Variants in FOXJ3 observed in about 807,000 individuals in gnomAD.
The protein encoded by FOXJ3 is forkhead box protein J3.
In FOXJ3, 22 loss-of-function variants were observed where a neutral mutation model predicts 76.1. That is an observed-to-expected ratio of 0.29 (90% CI 0.21 to 0.41). FOXJ3 has a LOEUF of 0.41. Ranked by LOEUF, FOXJ3 falls within the 10% of genes least tolerant of loss-of-function variation. FOXJ3 has a pLI of 1.00. For missense variants in FOXJ3, 613 were observed against 762.1 expected (o/e 0.80, Z 2.30); for synonymous variants, 269 against 261.2 (o/e 1.03, Z -0.29).
chr1:42,292,731 T>C (rs981314198), intron 2 of FOXJ3, among the ~76,000 whole-genome samples: 32 of 152,178 alleles, frequency 2.1e-4, no homozygotes, highest in African/African-American at 7.0e-4. Flanking sequence ...GGTGATGATT[T>C]ATGTGTGTAT....
chr1:42,301,496 C>T (rs1373222116), intron 2 of FOXJ3, among the ~76,000 whole-genome samples: 1 of 152,194 alleles, frequency 6.6e-6, no homozygotes, highest in Non-Finnish European at 1.5e-5. Context: ...AGGTACCACA[C>T]CGGACTTCGT....
intron 5 of FOXJ3, among the ~76,000 whole-genome samples, chr1:42,206,666 T>C (rs1183537625): frequency 6.6e-6 from 1 of 152,236 alleles, no homozygotes; most frequent in Non-Finnish European, 1.5e-5. Context: ...ATTTAATACA[T>C]TCATATAATC....
chr1:42,326,737 G>A (rs535203813), intron 1 of FOXJ3, among the ~76,000 whole-genome samples: 32 of 152,070 alleles, frequency 2.1e-4, no homozygotes, highest in Non-Finnish European at 4.1e-4. Flanking sequence ...GGGAGAAACC[G>A]CTCCCATTGG....
chr1:42,301,342 C>T (rs1221397596), intron 2 of FOXJ3, among the ~76,000 whole-genome samples: 1 of 151,988 alleles, frequency 6.6e-6, no homozygotes, highest in East Asian at 1.9e-4. Flanking sequence ...ATTACAGTCA[C>T]ACGCCACAAT....
chr1:42,199,949 G>C (rs1481014113), intron 6 of FOXJ3, among the ~76,000 whole-genome samples: 3 of 130,794 alleles, frequency 2.3e-5, no homozygotes, highest in Non-Finnish European at 4.6e-5. Context: ...CCTATTTGCA[G>C]TGAGCCAAGA....
intron 2 of FOXJ3, among the ~76,000 whole-genome samples, chr1:42,289,227 A>T (rs903553551): frequency 1.3e-5 from 2 of 151,582 alleles, no homozygotes; most frequent in Non-Finnish European, 2.9e-5. Flanking sequence ...CTTAATATAT[A>T]TAATTATGTA....
At chr1:42,318,490 C>T (rs1023428787) in intron 1 of FOXJ3, among the ~76,000 whole-genome samples, 1 of 152,104 alleles carries the variant, frequency 6.6e-6, no homozygotes, top group African/African-American at 2.4e-5. Context: ...TACAGGCATG[C>T]ACCACCATGT....
At chr1:42,324,442 CTG>C (rs1220672456) in intron 1 of FOXJ3, among the ~76,000 whole-genome samples, 1 of 147,836 alleles carries the variant, frequency 6.8e-6, no homozygotes, top group Non-Finnish European at 1.5e-5. Context: ...ACAAAACTAT[CTG>C]TAGTAATATT....
At chr1:42,262,236 A>G (rs1651099482) in intron 4 of FOXJ3, among the ~76,000 whole-genome samples, 1 of 152,188 alleles carries the variant, frequency 6.6e-6, no homozygotes, top group African/African-American at 2.4e-5. Flanking sequence ...TTCTTCCTTA[A>G]GTACTTTTCC....
intron 1 of FOXJ3, among the ~76,000 whole-genome samples, chr1:42,330,634 T>C (rs1433198035): frequency 6.6e-6 from 1 of 151,936 alleles, no homozygotes. Context: ...AGACCCTGTC[T>C]CAAAAACAAA....
chr1:42,262,666 T>C (rs141413748), intron 4 of FOXJ3, among the ~76,000 whole-genome samples: 2,135 of 152,230 alleles, frequency 0.014, 47 homozygotes, highest in African/African-American at 0.05. Flanking sequence ...TTGGCCAAGA[T>C]GGTGAAACCC....
intron 1 of FOXJ3, among the ~76,000 whole-genome samples, chr1:42,322,053 T>C (rs1570253480): frequency 6.6e-6 from 1 of 151,810 alleles, no homozygotes; most frequent in South Asian, 2.1e-4. Context: ...ATGGCTGAAT[T>C]GTCATAAAAG....
At chr1:42,238,873 T>C (rs541493995) in intron 4 of FOXJ3, among the ~76,000 whole-genome samples, 1 of 152,260 alleles carries the variant, frequency 6.6e-6, no homozygotes, top group East Asian at 1.9e-4. Context: ...TTACATTAAC[T>C]CTATAAATCT....
intron 2 of FOXJ3, among the ~76,000 whole-genome samples, chr1:42,302,022 T>C (rs776080978): frequency 2.0e-5 from 3 of 152,210 alleles, no homozygotes; most frequent in Non-Finnish European, 4.4e-5. Flanking sequence ...TAGGGTCTTT[T>C]GGCTTTAGTT....
chr1:42,273,472 G>A (rs970776772), intron 3 of FOXJ3, among the ~76,000 whole-genome samples: 8 of 151,884 alleles, frequency 5.3e-5, no homozygotes, highest in Middle Eastern at 3.2e-3. Flanking sequence ...TCAGGAGTTC[G>A]GAACCAGCCT....
chr1:42,308,722 AAT>A (rs1394955781), intron 2 of FOXJ3, among the ~76,000 whole-genome samples: 1 of 152,196 alleles, frequency 6.6e-6, no homozygotes, highest in African/African-American at 2.4e-5. Context: ...CTGATTCTAG[AAT>A]ATTGTGCAGA....
chr1:42,280,322 G>C (rs76224178), intron 2 of FOXJ3: 1 of 981,528 alleles, frequency 1.0e-6, no homozygotes, highest in African/African-American at 1.8e-5. Flanking sequence ...TTGATTTTCA[G>C]GTATGTTGAT....
In FOXJ3 at chr1:42,191,534, G is replaced by C. The variant is rs780674514; in HGVS notation, c.1120C>G (p.Gln374Glu). 6.2e-7 allele frequency: 1 copy of C among 1,614,024 alleles called. No individual in the cohort carries two copies. Reference sequence around the variant, plus strand: ...TGTGGAGATGGCTGTGTGTGCATCTGGGGGTGAGACAGTGAGACCTGTGCA... The same window carrying C: ...TGTGGAGATGGCTGTGTGTGCATCTCGGGGTGAGACAGTGAGACCTGTGCA... ...SVAQVSLSHP[Q>E]MHTQPSPHPP... The change falls in exon 9 of 13, where the codon CAG becomes GAG. Residue 374 changes from glutamine to glutamate, a missense_variant. Coordinates refer to ENST00000361346, the MANE Select transcript of FOXJ3 (RefSeq NM_014947.5).
chr1:42,189,617 G>A (rs945672569), intron 9 of FOXJ3: 13 of 448,492 alleles, frequency 2.9e-5, no homozygotes, highest in Non-Finnish European at 3.7e-5. Flanking sequence ...AAAAGAAACT[G>A]AACCAGAGAA....
Sources: gnomAD v4.1 joint callset for allele counts (sites outside exome capture counted in the v4.1 genomes callset) on GRCh38, gnomAD v4.1.1 for gene constraint, MANE v1.5 for transcripts, NCBI Gene and HGNC (gene_info 2026-07-23, HGNC 2026-07-21) for gene names.